The following LDB1 variants were observed in gnomAD, a reference collection of about 807,000 sequenced individuals.
LDB1 encodes LIM domain binding 1, also known as LIM domain-binding protein 1.
Under a neutral mutation model 49.7 loss-of-function variants are expected in LDB1, and 6 were observed. That is an observed-to-expected ratio of 0.12 (90% confidence interval 0.07 to 0.24). LDB1 has a LOEUF of 0.24. Among genes scored for constraint, LDB1 ranks in the 10% least tolerant of loss-of-function variants. The pLI is 1.00. For missense variants in LDB1, 341 were observed against 561.7 expected, an observed-to-expected ratio of 0.61 and a Z score of 3.97; for synonymous variants, 233 against 202.0, an observed-to-expected ratio of 1.15 and a Z score of -1.30.
intron 3 of LDB1, 50 bp from the exon 4 acceptor site, chr10:102,111,194 C>T (rs140353411): frequency 0.03 from 47,608 of 1,611,210 alleles, 869 homozygotes; most frequent in South Asian, 0.063. Context: ...CTGCCCCCTC[C>T]ACCCCCTACC....
In LDB1 at chr10:102,109,748, T is replaced by C. The variant is rs1564911957; in HGVS notation, c.649-65A>G. On this transcript the variant is annotated intron_variant, in intron 7 of 10. Coordinates refer to ENST00000673968, the MANE Select transcript of LDB1 (RefSeq NM_001113407.3). The surrounding 1 kb of genome is among the most constrained non-coding windows in gnomAD (Gnocchi z 5.8). ...GGGTTGCCTCTGCTCACCTGCCCTA[T>C]CATCTGAGCATTGTGACACTCCTGA... The C allele has an allele frequency of 1.3e-6, 2 of 1,554,024 alleles. No individual in the cohort carries two copies. The highest frequency in any genetic ancestry group is 1.7e-5 in the Admixed American group (1 of 59,732).
chr10:102,120,176 G>A lies in LDB1; in HGVS notation c.-66C>T. ...TGCCCGCCCCTCGCGGGGACAGGCC[G>A]GGCATGAGCCGCCGCCGCCGCCCGC... On this transcript the variant is annotated 5_prime_UTR_variant, in exon 1 of 11. Coordinates refer to ENST00000673968, the MANE Select transcript of LDB1 (RefSeq NM_001113407.3). The A allele has an allele frequency of 1.7e-6, 2 of 1,181,088 alleles. No homozygotes were observed. The highest frequency in any genetic ancestry group is 2.1e-6 in the Non-Finnish European group (2 of 953,038). The allele number at this position is 1,181,088 out of a possible 1,614,324, so 73.2% of individuals were successfully genotyped here.
Position 102,107,819 on chromosome 10 carries a change from T to G in LDB1, c.*274A>C. 6.0e-6 allele frequency: 3 copies of G among 498,206 alleles called. No individual in the cohort carries two copies. Among genetic ancestry groups the G allele is most frequent in the Non-Finnish European group, 7.2e-6 (2 of 277,832 alleles). The allele number at this position is 498,206 out of a possible 1,614,324, so 30.9% of individuals were successfully genotyped here. On this transcript the variant is annotated 3_prime_UTR_variant, in exon 11 of 11. Coordinates refer to ENST00000673968, the MANE Select transcript of LDB1 (RefSeq NM_001113407.3). ...AGATGGAGGCAAATGCCCTGGGGGG[T>G]GGTCAGGACATGTCTCAGAGGCCCA...
chr10:102,111,207 G>A (rs766152345), intron 3 of LDB1, 49 bp downstream of exon 3: 14 of 1,611,632 alleles, frequency 8.7e-6, no homozygotes, highest in South Asian at 3.3e-5. Flanking sequence ...CCCCTACCTC[G>A]GCCTTCACCC....
intron 1 of LDB1, chr10:102,114,490 G>C (rs1033558289): frequency 2.0e-6 from 2 of 986,238 alleles, no homozygotes; most frequent in African/African-American, 3.5e-5. Flanking sequence ...GGCTGACGGG[G>C]GGACAACTTC....
At position 102,107,882 on chromosome 10, in the gene LDB1, C is replaced by A. The variant is rs999968495; in HGVS notation, c.*211G>T. 3 of 598,092 alleles carry A rather than the reference C, an allele frequency of 5.0e-6. No homozygotes were observed. Among genetic ancestry groups the A allele is most frequent in the East Asian group, 2.8e-5 (1 of 35,906 alleles). 37.0% of individuals were successfully genotyped at this position (598,092 alleles called of 1,614,324 possible). ...GCATCCACATGAGTACCCCCTCCCC[C>A]TAAAAGGCTCTGTAGAGGCCAGGCC... On this transcript the variant is annotated 3_prime_UTR_variant, in exon 11 of 11. Coordinates refer to ENST00000673968, the MANE Select transcript of LDB1 (RefSeq NM_001113407.3).
At chr10:102,105,217 T>C (rs1008370518), downstream of LDB1, among the ~76,000 whole-genome samples, 1 of 152,130 alleles carries the variant, frequency 6.6e-6, no homozygotes, top group African/African-American at 2.4e-5. Flanking sequence ...GGCAGTTGGC[T>C]GGTAAATGTC....
chr10:102,102,353 A>G (rs2068128237), downstream of LDB1, among the ~76,000 whole-genome samples: 1 of 152,220 alleles, frequency 6.6e-6, no homozygotes, highest in Admixed American at 6.5e-5. Context: ...GAGAGAAATT[A>G]GCCTACCTCA....
chr10:102,114,812 GCCCGCCC>G, intron 1 of LDB1: 36 of 929,662 alleles, frequency 3.9e-5, no homozygotes, highest in Admixed American at 6.2e-5. Flanking sequence ...CCTCCGAGCA[GCCCGCCC>G]GCCCTCCCCA....
intron 1 of LDB1, 64 bp downstream of exon 1, chr10:102,120,022 G>A (rs2068396235): frequency 7.8e-7 from 1 of 1,289,632 alleles, no homozygotes; most frequent in South Asian, 1.5e-5. Context: ...CGCCAAACAC[G>A]GGGTGAGGGG....
chr10:102,104,331 C>T (rs766666746), downstream of LDB1, among the ~76,000 whole-genome samples: 6 of 152,162 alleles, frequency 3.9e-5, no homozygotes, highest in East Asian at 1.2e-3. Context: ...CAGACACATA[C>T]GTAAACATAT....
chr10:102,108,856 T>C lies in LDB1; in HGVS notation c.1005+173A>G, dbSNP rs906823690. The C allele has an allele frequency of 1.0e-5, 8 of 803,420 alleles. No homozygotes were observed. The African/African-American group carries it at 1.4e-4, about 14-fold the overall frequency. 49.8% of individuals were successfully genotyped at this position (803,420 alleles called of 1,614,324 possible). On this transcript the variant is annotated intron_variant, in intron 10 of 10. Transcript: ENST00000673968. ...GGCTGAGTCTGTGTGATCACACCCATGCAAGTGCCTGACAAGAACTCTCTC... is the reference window on the plus strand; with the variant it reads ...GGCTGAGTCTGTGTGATCACACCCACGCAAGTGCCTGACAAGAACTCTCTC...
In LDB1 at chr10:102,114,936, G is replaced by A. The variant is rs2068315279; in HGVS notation, c.26-3400C>T. On this transcript the variant is annotated intron_variant, in intron 1 of 10. Coordinates refer to ENST00000673968, the MANE Select transcript of LDB1 (RefSeq NM_001113407.3). ...CACACGCAGCGCCCGCCGGCTGCCT[G>A]CCTTTCTCCCTTTCTCTCCCTGCCT... 8.3e-6 allele frequency: 6 copies of A among 719,286 alleles called. No individual in the cohort carries two copies. The South Asian group carries it at 3.7e-4, about 45-fold the overall frequency. 44.6% of individuals were successfully genotyped at this position (719,286 alleles called of 1,614,324 possible).
At chr10:102,112,067 G>A (rs1280119842) in intron 1 of LDB1, among the ~76,000 whole-genome samples, 1 of 152,154 alleles carries the variant, frequency 6.6e-6, no homozygotes, top group Non-Finnish European at 1.5e-5. Flanking sequence ...CCTAATCCCA[G>A]CGCATACCCA....
At chr10:102,105,818 A>G (rs1182804701), downstream of LDB1, among the ~76,000 whole-genome samples, 1 of 151,516 alleles carries the variant, frequency 6.6e-6, no homozygotes, top group Non-Finnish European at 1.5e-5. Context: ...AAAAAAAAAA[A>G]ATACAAAAAT....
chr10:102,120,005 A>C, intron 1 of LDB1, 81 bp downstream of exon 1: 1 of 1,149,968 alleles, frequency 8.7e-7, no homozygotes. Context: ...CCCCCCACAC[A>C]AGTTCTCGCC....
chr10:102,110,601 G>A lies in LDB1; in HGVS notation c.453C>T (p.His151=), dbSNP rs2068237429. The A allele has an allele frequency of 6.2e-7, 1 of 1,614,068 alleles. No homozygotes were observed. Among genetic ancestry groups the A allele is most frequent in the Non-Finnish European group, 8.5e-7 (1 of 1,179,978 alleles). Residue 151 remains histidine, a synonymous_variant, in exon 6 of 11, where the codon CAC becomes CAT. Transcript: ENST00000673968. ...CACAGTCGAGGGACACAAAGTTGCT[G>A]TGGAATGCCTCCTTGGGGTGCTTAA... ...YVLKHPKEAF[H]SNFVSLDCDQ... is the part of the protein sequence containing the mutation.
At chr10:102,105,036 C>A (rs1431094085), downstream of LDB1, among the ~76,000 whole-genome samples, 2 of 152,180 alleles carry the variant, frequency 1.3e-5, no homozygotes, top group East Asian at 3.8e-4. Flanking sequence ...TGCCCACATA[C>A]AAACACATGT....
At chr10:102,114,685 G>A in intron 1 of LDB1, 1 of 817,164 alleles carries the variant, frequency 1.2e-6, no homozygotes. Flanking sequence ...GGGGGGCCGC[G>A]GGGAGTCCGG....
Sources: allele counts gnomAD v4.1 joint callset (sites outside exome capture counted in the v4.1 genomes callset), GRCh38; gene constraint gnomAD v4.1.1; non-coding constraint Gnocchi (gnomAD v3.1); transcripts MANE v1.5; gene names NCBI Gene and HGNC (gene_info 2026-07-23, HGNC 2026-07-21).